The following NUP88 variants were observed in gnomAD, a reference collection of about 807,000 sequenced individuals.
NUP88 encodes the protein nucleoporin 88.
In NUP88, 57 loss-of-function variants were observed where a neutral mutation model predicts 93.9. The observed-to-expected ratio is 0.61, with a 90% CI of 0.49 to 0.76. The LOEUF (loss-of-function observed/expected upper bound fraction) is 0.76, where lower values mean the gene tolerates loss of function less well. Among genes scored for constraint, NUP88 ranks in the 30% least tolerant of loss-of-function variants. The probability of loss-of-function intolerance (pLI) is 0.00; values close to 1 mark genes in which losing one functional copy is unlikely to be tolerated. For missense variants in NUP88, 911 were observed against 901.0 expected, an observed-to-expected ratio of 1.01 and a Z score of -0.14; for synonymous variants, 346 against 336.8, an observed-to-expected ratio of 1.03 and a Z score of -0.30.
intron 10 of NUP88, among the ~76,000 whole-genome samples, chr17:5,390,247 T>G (rs1399405291): frequency 6.6e-6 from 1 of 152,100 alleles, no homozygotes; most frequent in Non-Finnish European, 1.5e-5. Context: ...TAAGCTAGTG[T>G]GACTAGGTTT....
chr17:5,387,845 G>A lies in NUP88; in HGVS notation c.1703C>T (p.Ala568Val). 1 of 1,614,066 alleles carries A rather than the reference G, an allele frequency of 6.2e-7. No homozygotes were observed. The highest frequency in any genetic ancestry group is 8.5e-7 in the Non-Finnish European group (1 of 1,180,002). Residue 568 changes from alanine to valine, a missense_variant, in exon 12 of 17, where the codon GCC (alanine) becomes GTC (valine). Ala to Val is a moderately conservative substitution (Grantham distance 64). Transcript: ENST00000573584. ...GTACTGCTCTCTGAACACCTGGGTGGCTCTGCTGAGGAGCTGAAGGCATTC... is the reference window on the plus strand; with the variant it reads ...GTACTGCTCTCTGAACACCTGGGTGACTCTGCTGAGGAGCTGAAGGCATTC... ...PEECLQLLSR[A>V]TQVFREQYIL...
intron 9 of NUP88, 80 bp downstream of exon 9, chr17:5,394,811 G>C: frequency 1.1e-6 from 1 of 912,532 alleles, no homozygotes; most frequent in South Asian, 1.4e-5. Flanking sequence ...CTGTGGATGT[G>C]AGTGTAACGG....
Position 5,388,870 on chromosome 17 carries a change from G to C in NUP88, c.1575C>G (p.Thr525=). The C allele has an allele frequency of 6.2e-7, 1 of 1,613,990 alleles. No individual in the cohort carries two copies. The highest frequency in any genetic ancestry group is 8.5e-7 in the Non-Finnish European group (1 of 1,179,936). The change falls in exon 11 of 17, where the codon ACC becomes ACG. Residue 525 remains threonine, a synonymous_variant. Coordinates refer to ENST00000573584, the MANE Select transcript of NUP88 (RefSeq NM_002532.6). ...AESPLRVLAE[T]PDSFEKHIRS... is the part of the protein sequence containing the mutation. Reference sequence around the variant, plus strand: ...TAATATGCTTTTCAAAGGAATCTGGGGTTTCAGCCAGAACACGGAGGGGAG... The same window carrying C: ...TAATATGCTTTTCAAAGGAATCTGGCGTTTCAGCCAGAACACGGAGGGGAG...
chr17:5,407,359 G>A (rs1913559985), intron 5 of NUP88, among the ~76,000 whole-genome samples: 1 of 152,196 alleles, frequency 6.6e-6, no homozygotes, highest in South Asian at 2.1e-4. Flanking sequence ...CTGAGCACAT[G>A]ACACTGTACT....
chr17:5,392,798 G>A (rs1912523027), intron 9 of NUP88, among the ~76,000 whole-genome samples: 1 of 152,084 alleles, frequency 6.6e-6, no homozygotes, highest in Non-Finnish European at 1.5e-5. Context: ...TGGGATTTTG[G>A]GGTTTTTTTG....
chr17:5,385,414 C>G lies in NUP88; in HGVS notation c.*792G>C, dbSNP rs1911869363. ...ACCTGATTTACCTCTTACCTGTAAC[C>G]TACCTTATCATGTGGCTTTTAATTG... On this transcript the variant is annotated 3_prime_UTR_variant, in exon 17 of 17. Coordinates refer to ENST00000573584, the MANE Select transcript of NUP88 (RefSeq NM_002532.6). 8.7e-6 allele frequency: 2 copies of G among 229,222 alleles called. No individual in the cohort carries two copies. The highest frequency in any genetic ancestry group is 2.2e-5 in the African/African-American group (1 of 44,772). The allele number at this position is 229,222 out of a possible 1,614,324, so 14.2% of individuals were successfully genotyped here. A position where few individuals can be genotyped will look rare whatever the true frequency, so the allele number is the denominator to read the frequency against.
At chr17:5,398,433 C>T (rs765339634) in intron 8 of NUP88, among the ~76,000 whole-genome samples, 8 of 151,594 alleles carry the variant, frequency 5.3e-5, no homozygotes, top group Non-Finnish European at 8.8e-5. Context: ...GGATTATAGG[C>T]GCACACCACC....
At chr17:5,414,387 G>A (rs1487884568) in intron 2 of NUP88, among the ~76,000 whole-genome samples, 1 of 151,914 alleles carries the variant, frequency 6.6e-6, no homozygotes, top group African/African-American at 2.4e-5. Flanking sequence ...TAGAGAGGGG[G>A]TTTCTCCATG....
intron 4 of NUP88, 102 bp from the exon 5 acceptor site, chr17:5,409,011 G>A (rs1184660232): frequency 5.3e-6 from 5 of 951,006 alleles, no homozygotes; most frequent in Non-Finnish European, 7.6e-6. Context: ...ATAACAGGAG[G>A]TGGGTATGTA....
chr17:5,388,777 A>C lies in NUP88; in HGVS notation c.1643+25T>G, dbSNP rs1806228. The C allele has an allele frequency of 2.2e-3, 3,586 of 1,599,134 alleles. 73 individuals carry two copies. In the African/African-American group the frequency reaches 0.042, roughly 19 times the overall value. ...AAGACAGAAGAGAACCCATTCATAA[A>C]ACCGCTATGCCCAAGGTTGCATACT... On this transcript the variant is annotated intron_variant, in intron 11 of 16. Coordinates refer to ENST00000573584, the MANE Select transcript of NUP88 (RefSeq NM_002532.6).
At chr17:5,406,768 AAAAAAG>A (rs1378392196) in intron 5 of NUP88, among the ~76,000 whole-genome samples, 7 of 119,528 alleles carry the variant, frequency 5.9e-5, no homozygotes, top group East Asian at 1.3e-3. Flanking sequence ...AGCTTTAAAA[AAAAAAG>A]AAAAGAAAAG....
intron 15 of NUP88, 71 bp from the exon 16 acceptor site, chr17:5,386,897 G>A (rs1912028418): frequency 6.3e-7 from 1 of 1,586,514 alleles, no homozygotes; most frequent in African/African-American, 1.4e-5. Context: ...ATTTGAATCT[G>A]TTCTTTTTAC....
At position 5,416,637 on chromosome 17, in the gene NUP88, A is replaced by C; in HGVS notation, c.343T>G (p.Leu115Val). The C allele has an allele frequency of 1.2e-6, 2 of 1,611,522 alleles. No individual in the cohort carries two copies. Among genetic ancestry groups the C allele is most frequent in the Non-Finnish European group, 1.7e-6 (2 of 1,179,348 alleles). ...NPPLFEIYQV[L>V]LSPTQHHVAL... ...ACATGATGTTGTGTTGGGCTTAACAAGACTTGATAGATTTCAAACAGGGGT... is the reference window on the plus strand; with the variant it reads ...ACATGATGTTGTGTTGGGCTTAACACGACTTGATAGATTTCAAACAGGGGT... Residue 115 changes from leucine to valine, a missense_variant, in exon 2 of 17, where the codon TTG becomes GTG. Leu to Val is a conservative substitution (Grantham distance 32). Transcript: ENST00000573584.
intron 8 of NUP88, among the ~76,000 whole-genome samples, chr17:5,399,220 T>A (rs1912993601): frequency 6.9e-6 from 1 of 145,106 alleles, no homozygotes; most frequent in African/African-American, 2.5e-5. Flanking sequence ...TAAAGCAAAT[T>A]ATCCCAGACC....
intron 8 of NUP88, among the ~76,000 whole-genome samples, chr17:5,396,494 C>G (rs1462700834): frequency 6.6e-6 from 1 of 152,178 alleles, no homozygotes; most frequent in East Asian, 1.9e-4. Context: ...GAATAATACT[C>G]TGTTGTATAG....
At chr17:5,386,583 T>C (rs1341806583) in intron 16 of NUP88, 125 bp downstream of exon 16, 2 of 748,104 alleles carry the variant, frequency 2.7e-6, no homozygotes, top group Admixed American at 2.0e-5. Context: ...CATGTGGCTC[T>C]CATCCCAGTA....
intron 9 of NUP88, among the ~76,000 whole-genome samples, chr17:5,393,191 G>T (rs186494168): frequency 3.9e-5 from 6 of 152,018 alleles, no homozygotes; most frequent in African/African-American, 1.4e-4. Flanking sequence ...TCCTGACCTA[G>T]TAATTCGCCT....
chr17:5,388,048 T>TG (rs965034990), intron 11 of NUP88, 144 bp from the exon 12 acceptor site: 1 of 775,140 alleles, frequency 1.3e-6, no homozygotes, highest in African/African-American at 1.8e-5. Context: ...TCACCCAGGC[T>TG]GGAGTGCATT....
Position 5,394,926 on chromosome 17 carries a change from A to C in NUP88, c.1347T>G (p.Val449=). Residue 449 remains valine (V), a synonymous_variant, in exon 9 of 17, where the codon GTT becomes GTG. Transcript: ENST00000573584. ...QELSTEQKCF[V]EHILCTKPLP... ...ATGGCTTCGTACAAAGGATGTGTTC[A>C]ACAAAGCATTTCTGTTCTGTAGAGA... The C allele has an allele frequency of 5.6e-6, 9 of 1,613,862 alleles. No homozygotes were observed. The highest frequency in any genetic ancestry group is 7.6e-6 in the Non-Finnish European group (9 of 1,179,690).
Sources: allele counts gnomAD v4.1 joint callset (sites outside exome capture counted in the v4.1 genomes callset), GRCh38; gene constraint gnomAD v4.1.1; transcripts MANE v1.5; gene names NCBI Gene and HGNC (gene_info 2026-07-23, HGNC 2026-07-21).